ZAP70: variants seen among roughly 807,000 people sequenced by gnomAD.
ZAP70 encodes the protein tyrosine-protein kinase ZAP-70.
ZAP70 carries 27 observed loss-of-function variants against 65.8 expected under a neutral mutation model. The observed-to-expected ratio is 0.41, with a 90% CI of 0.30 to 0.57. The LOEUF (loss-of-function observed/expected upper bound fraction) is 0.57, where lower values mean the gene tolerates loss of function less well. Ranked by LOEUF, ZAP70 falls within the 20% of genes least tolerant of loss-of-function variation. The pLI is 0.28. For missense variants in ZAP70, 696 were observed against 870.5 expected, an observed-to-expected ratio of 0.80 and a Z score of 2.52; for synonymous variants, 363 against 360.8, an observed-to-expected ratio of 1.01 and a Z score of -0.07.
the ZAP70 span, among the ~76,000 whole-genome samples, chr2:97,753,542 T>G: frequency 2.0e-5 from 3 of 152,234 alleles, no homozygotes; most frequent in Non-Finnish European, 1.5e-5. Flanking sequence ...AACAGTCTTT[T>G]AAATGAGATT....
intron 8 of ZAP70, 46 bp downstream of exon 8, chr2:97,733,641 C>T (rs200501678): frequency 3.2e-5 from 51 of 1,610,900 alleles, no homozygotes; most frequent in Admixed American, 2.0e-4. Context: ...CATGCTGAGC[C>T]GAGATCAGGG....
chr2:97,743,452 C>T (rs1359016322), downstream of ZAP70, among the ~76,000 whole-genome samples: 1 of 152,222 alleles, frequency 6.6e-6, no homozygotes, highest in Non-Finnish European at 1.5e-5. Flanking sequence ...TCTCCTGCCT[C>T]AGCCTCCTGA....
chr2:97,718,986 A>G (rs575774893), intron 2 of ZAP70, among the ~76,000 whole-genome samples: 8 of 152,144 alleles, frequency 5.3e-5, no homozygotes, highest in Non-Finnish European at 7.3e-5. Context: ...AAGTATGAAC[A>G]TCCATTTGAA....
the ZAP70 span, among the ~76,000 whole-genome samples, chr2:97,745,018 CTTTTTG>C: frequency 5.3e-5 from 8 of 152,144 alleles, no homozygotes; most frequent in Admixed American, 3.9e-4. Context: ...AAATCTTTTA[CTTTTTG>C]TTTTTAATTT....
chr2:97,754,390 A>T, the ZAP70 span, among the ~76,000 whole-genome samples: 1 of 152,152 alleles, frequency 6.6e-6, no homozygotes, highest in East Asian at 1.9e-4. Context: ...AAGTCTGCCA[A>T]TACAGTTTTT....
At position 97,736,390 on chromosome 2, in the gene ZAP70, C is replaced by T. The variant is rs569740136; in HGVS notation, c.1289+934C>T. On this transcript the variant is annotated intron_variant, in intron 10 of 13. Transcript: ENST00000264972. The surrounding 1 kb of genome is among the most constrained non-coding windows in gnomAD (Gnocchi z 4.0). The stretch of plus-strand genomic sequence containing the variant: ...CTGTGCCCTCTGGCTGGTGCACACA[C>T]CTTCCCAGTGTGCCCCTGGCTCCCA... Among the ~76,000 whole-genome samples the T allele has an allele frequency of 6.6e-6, 1 of 152,344 alleles. No individual in the cohort carries two copies. Among genetic ancestry groups the T allele is most frequent in the African/African-American group, 2.4e-5 (1 of 41,578 alleles).
chr2:97,750,899 T>C, the ZAP70 span, among the ~76,000 whole-genome samples: 1 of 152,268 alleles, frequency 6.6e-6, no homozygotes, highest in East Asian at 1.9e-4. Context: ...CGTTTATGGC[T>C]TCAGCTAAAA....
chr2:97,714,760 G>A (rs998656865), intron 2 of ZAP70, among the ~76,000 whole-genome samples: 2 of 152,176 alleles, frequency 1.3e-5, no homozygotes, highest in African/African-American at 2.4e-5. Context: ...AGAGATCAGG[G>A]TCAGGGACTC....
In ZAP70 at chr2:97,733,567, C is replaced by A. The variant is rs2104690183; in HGVS notation, c.861C>A (p.Leu287=). ...LTHPQRRIDT[L]NSDGYTPEPA... ...AGCCTCAGAGACGAATCGACACCCTCAACTCAGATGGATACACCCCTGAGC... is the reference window on the plus strand; with the variant it reads ...AGCCTCAGAGACGAATCGACACCCTAAACTCAGATGGATACACCCCTGAGC... Residue 287 remains leucine (L), a synonymous_variant, in exon 8 of 14, where the codon CTC becomes CTA. Transcript: ENST00000264972. The A allele has an allele frequency of 6.2e-7, 1 of 1,613,668 alleles. No homozygotes were observed. The highest frequency in any genetic ancestry group is 8.5e-7 in the Non-Finnish European group (1 of 1,179,992).
At chr2:97,732,854 G>A in intron 4 of ZAP70, 29 bp from the exon 5 acceptor site, 1 of 1,613,354 alleles carries the variant, frequency 6.2e-7, no homozygotes. Flanking sequence ...GTGGCTCTAG[G>A]GGTTACATCC....
At position 97,732,999 on chromosome 2, in the gene ZAP70, C is replaced by T. The variant is rs2104687712; in HGVS notation, c.680C>T (p.Thr227Ile). Residue 227 changes from threonine to isoleucine, a missense_variant, in exon 5 of 14, where the codon ACC becomes ATC. This residue lies in a region of ZAP70 where 551 missense variants were observed against 630.0 expected (regional missense o/e 0.87). Coordinates refer to ENST00000264972, the MANE Select transcript of ZAP70 (RefSeq NM_001079.4). ...GGCAAGTACTGCATTCCCGAGGGCACCAAGTTTGACACGCTCTGGCAGGTA... is the reference window on the plus strand; with the variant it reads ...GGCAAGTACTGCATTCCCGAGGGCATCAAGTTTGACACGCTCTGGCAGGTA... ...KAGKYCIPEG[T>I]KFDTLWQLVE... is the part of the protein sequence containing the mutation. 1 of 1,614,134 alleles carries T rather than the reference C, an allele frequency of 6.2e-7. No homozygotes were observed. Among genetic ancestry groups the T allele is most frequent in the Admixed American group, 1.7e-5 (1 of 60,028 alleles).
intron 9 of ZAP70, 87 bp downstream of exon 9, chr2:97,734,799 G>A: frequency 4.5e-6 from 7 of 1,544,598 alleles, no homozygotes; most frequent in Non-Finnish European, 6.2e-6. Context: ...GAGCCGGGAT[G>A]TCTGTCTCAC....
intron 2 of ZAP70, among the ~76,000 whole-genome samples, chr2:97,720,876 C>T (rs1677128669): frequency 6.6e-6 from 1 of 152,214 alleles, no homozygotes; most frequent in African/African-American, 2.4e-5. Flanking sequence ...CAGACTTCAC[C>T]TGATTCCCAT....
At chr2:97,733,680 G>T (rs1279067880) in intron 8 of ZAP70, 85 bp downstream of exon 8, 4 of 1,555,662 alleles carry the variant, frequency 2.6e-6, no homozygotes, top group Non-Finnish European at 3.5e-6. Flanking sequence ...GGTTTCACGG[G>T]GGGCGCTGTG....
At chr2:97,745,484 C>T in the ZAP70 span, among the ~76,000 whole-genome samples, 163 of 152,298 alleles carry the variant, frequency 1.1e-3, 2 homozygotes, top group African/African-American at 3.7e-3. Context: ...AAAAAAATAT[C>T]CAACTCAATT....
At chr2:97,750,050 A>G in the ZAP70 span, among the ~76,000 whole-genome samples, 1 of 152,218 alleles carries the variant, frequency 6.6e-6, no homozygotes, top group Non-Finnish European at 1.5e-5. Context: ...GTTTCACACC[A>G]TCCTCCTGAG....
intron 2 of ZAP70, among the ~76,000 whole-genome samples, chr2:97,722,957 A>G (rs911518652): frequency 3.3e-5 from 5 of 152,184 alleles, no homozygotes; most frequent in African/African-American, 1.2e-4. Flanking sequence ...GGGCAAATAC[A>G]ATGGAATGAA....
chr2:97,721,788 T>C (rs1677170239), intron 2 of ZAP70, among the ~76,000 whole-genome samples: 1 of 150,806 alleles, frequency 6.6e-6, no homozygotes, highest in Admixed American at 6.6e-5. Flanking sequence ...ATTTTATCTT[T>C]TTTTTTTTTG....
the ZAP70 span, among the ~76,000 whole-genome samples, chr2:97,755,163 G>A: frequency 6.6e-6 from 1 of 152,170 alleles, no homozygotes; most frequent in Non-Finnish European, 1.5e-5. Context: ...GTTGGAACAG[G>A]CAAGATTAAA....
Sources: allele counts gnomAD v4.1 joint callset (sites outside exome capture counted in the v4.1 genomes callset), GRCh38; gene constraint gnomAD v4.1.1; regional missense constraint gnomAD v4.1.1; non-coding constraint Gnocchi (gnomAD v3.1); transcripts MANE v1.5; gene names NCBI Gene and HGNC (gene_info 2026-07-23, HGNC 2026-07-21).